The following GRID1 variants were observed in gnomAD, a reference collection of about 807,000 sequenced individuals.
The protein encoded by GRID1 is glutamate receptor ionotropic, delta-1.
GRID1 carries 28 observed loss-of-function variants against 98.0 expected under a neutral mutation model. The ratio of observed to expected loss-of-function variants is 0.29; its 90% CI spans 0.21 to 0.39. GRID1 has a LOEUF of 0.39. Among genes scored for constraint, GRID1 ranks in the 10% least tolerant of loss-of-function variants. The pLI is 1.00. For missense variants in GRID1, 1,111 were observed against 1,340.5 expected (o/e 0.83, Z 2.67); for synonymous variants, 553 against 538.5 (o/e 1.03, Z -0.37).
intron 4 of GRID1, among the ~76,000 whole-genome samples, chr10:85,919,553 C>T (rs977554312): frequency 3.3e-5 from 5 of 152,174 alleles, no homozygotes; most frequent in Non-Finnish European, 4.4e-5. Context: ...TGGAGGGCTG[C>T]CAGCTCTGTG....
chr10:85,784,189 C>T (rs942865365), intron 8 of GRID1, among the ~76,000 whole-genome samples: 2 of 152,168 alleles, frequency 1.3e-5, no homozygotes, highest in Admixed American at 1.3e-4. Context: ...AGGGTCTAAA[C>T]AGGAATCATC....
intron 4 of GRID1, among the ~76,000 whole-genome samples, chr10:85,966,265 T>C (rs1224463835): frequency 6.6e-6 from 1 of 152,032 alleles, no homozygotes; most frequent in African/African-American, 2.4e-5. Context: ...GCCAAAACCT[T>C]AAAAGGAAAA....
intron 3 of GRID1, among the ~76,000 whole-genome samples, chr10:86,151,421 A>G (rs1016684943): frequency 6.6e-6 from 1 of 151,866 alleles, no homozygotes; most frequent in Non-Finnish European, 1.5e-5. Context: ...ACCAAGACAC[A>G]GCAACTCCCA....
intron 8 of GRID1, among the ~76,000 whole-genome samples, chr10:85,796,337 G>A (rs1842525833): frequency 1.3e-5 from 2 of 152,092 alleles, no homozygotes; most frequent in Non-Finnish European, 2.9e-5. Flanking sequence ...TAGACATATT[G>A]TGATTAAAAT....
At chr10:86,208,272 C>G (rs553625118) in intron 2 of GRID1, among the ~76,000 whole-genome samples, 1 of 152,162 alleles carries the variant, frequency 6.6e-6, no homozygotes, top group Non-Finnish European at 1.5e-5. Flanking sequence ...TCAAGGCCAC[C>G]GGCAGGGGGT....
intron 3 of GRID1, among the ~76,000 whole-genome samples, chr10:86,140,730 G>C (rs1468483916): frequency 2.0e-5 from 3 of 152,192 alleles, no homozygotes; most frequent in Non-Finnish European, 4.4e-5. Flanking sequence ...AAGCCCTCAG[G>C]CAAATCACTA....
intron 8 of GRID1, among the ~76,000 whole-genome samples, chr10:85,844,008 T>A (rs1289853882): frequency 3.9e-5 from 6 of 152,072 alleles, no homozygotes; most frequent in Non-Finnish European, 8.8e-5. Flanking sequence ...TGCAAATAAT[T>A]CAGATGTTCT....
chr10:85,883,423 T>C (rs1044709049), intron 5 of GRID1, among the ~76,000 whole-genome samples: 1 of 152,146 alleles, frequency 6.6e-6, no homozygotes, highest in Non-Finnish European at 1.5e-5. Context: ...AACTGCACTT[T>C]ATTGTTTCTT....
At chr10:86,042,469 A>G (rs937446028) in intron 4 of GRID1, among the ~76,000 whole-genome samples, 11 of 152,222 alleles carry the variant, frequency 7.2e-5, no homozygotes, top group African/African-American at 2.7e-4. Context: ...CTACCTGAGC[A>G]GAGTCCCAGG....
chr10:86,215,600 G>A (rs563297424), intron 2 of GRID1, among the ~76,000 whole-genome samples: 8 of 152,196 alleles, frequency 5.3e-5, no homozygotes, highest in Admixed American at 3.3e-4. Context: ...TGCAGGGAGC[G>A]TCTTGGAGAA....
intron 3 of GRID1, among the ~76,000 whole-genome samples, chr10:86,160,456 AC>A (rs1300827829): frequency 2.0e-5 from 3 of 152,246 alleles, no homozygotes; most frequent in Admixed American, 6.5e-5. Flanking sequence ...AATTATGCCA[AC>A]AAAAAGAAAG....
intron 4 of GRID1, among the ~76,000 whole-genome samples, chr10:85,988,184 C>T (rs1842635815): frequency 6.6e-6 from 1 of 152,118 alleles, no homozygotes; most frequent in Non-Finnish European, 1.5e-5. Context: ...CACCCCACTC[C>T]CCACTACTCT....
At chr10:86,288,846 G>A (rs1169641225) in intron 2 of GRID1, among the ~76,000 whole-genome samples, 1 of 152,194 alleles carries the variant, frequency 6.6e-6, no homozygotes, top group East Asian at 1.9e-4. Context: ...AGGCAGCGCA[G>A]GCACCAAGAC....
chr10:85,834,797 T>A (rs1057446447), intron 8 of GRID1, among the ~76,000 whole-genome samples: 1 of 151,446 alleles, frequency 6.6e-6, no homozygotes. Context: ...AACAGAAAAA[T>A]TAAAAACAGA....
At chr10:85,871,724 C>G (rs1843280257) in intron 5 of GRID1, among the ~76,000 whole-genome samples, 1 of 152,126 alleles carries the variant, frequency 6.6e-6, no homozygotes, top group Non-Finnish European at 1.5e-5. Context: ...CAATGTATTT[C>G]AGAAACTGTC....
At chr10:86,359,322 A>G (rs114660236) in intron 2 of GRID1, among the ~76,000 whole-genome samples, 1,617 of 152,280 alleles carry the variant, frequency 0.011, 31 homozygotes, top group African/African-American at 0.036. Context: ...AATGGAGCCA[A>G]CGAAGATGCC....
intron 4 of GRID1, among the ~76,000 whole-genome samples, chr10:86,128,547 G>A (rs1295005961): frequency 6.6e-6 from 1 of 152,086 alleles, no homozygotes; most frequent in East Asian, 1.9e-4. Context: ...TGTGAGTAAT[G>A]CACTGGGGAG....
chr10:86,328,898 C>T (rs1848096436), intron 2 of GRID1, among the ~76,000 whole-genome samples: 1 of 152,102 alleles, frequency 6.6e-6, no homozygotes, highest in Non-Finnish European at 1.5e-5. Context: ...CACCCCACCC[C>T]CAGCCTCTAC....
chr10:86,062,466 G>A (rs1843663071), intron 4 of GRID1, among the ~76,000 whole-genome samples: 1 of 152,056 alleles, frequency 6.6e-6, no homozygotes, highest in African/African-American at 2.4e-5. Context: ...TCCCTGTCCT[G>A]TTTTCCCCAC....
Sources: allele counts gnomAD v4.1 joint callset (sites outside exome capture counted in the v4.1 genomes callset), GRCh38; gene constraint gnomAD v4.1.1; transcripts MANE v1.5; gene names NCBI Gene and HGNC (gene_info 2026-07-23, HGNC 2026-07-21).